Variants in SGCG observed in about 807,000 individuals in gnomAD.
The protein encoded by SGCG is gamma-sarcoglycan.
In SGCG, 26 loss-of-function variants were observed where a neutral mutation model predicts 29.3. The ratio of observed to expected loss-of-function variants is 0.89; its 90% CI spans 0.65 to 1.23. The LOEUF (loss-of-function observed/expected upper bound fraction) is 1.23. Ranked by LOEUF, SGCG falls within the 50% of genes most tolerant of loss-of-function variation. SGCG has a pLI of 0.00. For missense variants in SGCG, 353 were observed against 356.0 expected, an observed-to-expected ratio of 0.99 and a Z score of 0.07; for synonymous variants, 145 against 129.7, an observed-to-expected ratio of 1.12 and a Z score of -0.80.
At chr13:23,218,787 AG>A (rs966991464) in intron 2 of SGCG, among the ~76,000 whole-genome samples, 5 of 151,928 alleles carry the variant, frequency 3.3e-5, no homozygotes, top group African/African-American at 1.2e-4. Flanking sequence ...GATGGTTGAT[AG>A]GGACAACCTT....
chr13:23,280,944 C>T (rs1356807364), intron 5 of SGCG, among the ~76,000 whole-genome samples: 1 of 152,150 alleles, frequency 6.6e-6, no homozygotes, highest in Non-Finnish European at 1.5e-5. Context: ...CGGGCCATGA[C>T]ATCAATTAGA....
intron 3 of SGCG, 123 bp downstream of exon 3, chr13:23,234,835 T>G: frequency 1.4e-6 from 1 of 698,490 alleles, no homozygotes; most frequent in East Asian, 2.5e-5. Context: ...ATTCATGATA[T>G]GCTCTTTATA....
At chr13:23,321,213 GT>G (rs371655347) in intron 7 of SGCG, among the ~76,000 whole-genome samples, 1 of 151,978 alleles carries the variant, frequency 6.6e-6, no homozygotes, top group African/African-American at 2.4e-5. Context: ...AAATAAGAGT[GT>G]TTTTTTCAAA....
intron 2 of SGCG, among the ~76,000 whole-genome samples, chr13:23,214,787 T>C (rs1878362853): frequency 6.6e-6 from 1 of 152,232 alleles, no homozygotes; most frequent in African/African-American, 2.4e-5. Context: ...CTGTAGCATT[T>C]TTAACCAGTA....
At chr13:23,252,124 A>G (rs1269642560) in intron 4 of SGCG, among the ~76,000 whole-genome samples, 1 of 152,182 alleles carries the variant, frequency 6.6e-6, no homozygotes, top group East Asian at 1.9e-4. Flanking sequence ...TTTCCTGCAT[A>G]TACGTTCTTA....
At chr13:23,233,498 C>T (rs950137544) in intron 2 of SGCG, among the ~76,000 whole-genome samples, 25 of 151,944 alleles carry the variant, frequency 1.6e-4, no homozygotes, top group African/African-American at 4.8e-4. Flanking sequence ...GAAAGTAGAA[C>T]GGTGGTTGCC....
chr13:23,294,503 G>A (rs1233607062), intron 5 of SGCG, among the ~76,000 whole-genome samples: 1 of 152,020 alleles, frequency 6.6e-6, no homozygotes, highest in African/African-American at 2.4e-5. Flanking sequence ...TTTATTTTAA[G>A]GTTCAGACCC....
chr13:23,217,580 T>C (rs879536042), intron 2 of SGCG: 1 of 152,086 alleles, frequency 6.6e-6, no homozygotes, highest in Non-Finnish European at 1.5e-5. Flanking sequence ...GATTCTCTTC[T>C]TGTGTCTGGA....
chr13:23,286,261 T>A (rs1161150242), intron 5 of SGCG, among the ~76,000 whole-genome samples: 3 of 152,158 alleles, frequency 2.0e-5, no homozygotes, highest in Non-Finnish European at 4.4e-5. Context: ...TGCAAATTGA[T>A]CGTGAAATTA....
chr13:23,240,864 A>G (rs990705586), intron 3 of SGCG, among the ~76,000 whole-genome samples: 1 of 152,166 alleles, frequency 6.6e-6, no homozygotes, highest in Non-Finnish European at 1.5e-5. Context: ...TTAAAAAAGA[A>G]GAAAATTGGC....
At chr13:23,192,996 C>T (rs529776511) in intron 1 of SGCG, among the ~76,000 whole-genome samples, 1 of 152,260 alleles carries the variant, frequency 6.6e-6, no homozygotes, top group South Asian at 2.1e-4. Flanking sequence ...CAAATAAATG[C>T]ATCATTATGT....
At chr13:23,180,271 A>G (rs1420297550), upstream of SGCG, among the ~76,000 whole-genome samples, 1 of 152,218 alleles carries the variant, frequency 6.6e-6, no homozygotes, top group Non-Finnish European at 1.5e-5. Flanking sequence ...AAATGGAATG[A>G]CCTAATTACT....
At chr13:23,204,918 CATT>C (rs1239767100) in intron 2 of SGCG, among the ~76,000 whole-genome samples, 1 of 151,890 alleles carries the variant, frequency 6.6e-6, no homozygotes, top group Non-Finnish European at 1.5e-5. Flanking sequence ...CCAGTAGATA[CATT>C]ATTTATTTTA....
intron 1 of SGCG, among the ~76,000 whole-genome samples, chr13:23,187,152 T>G (rs556007121): frequency 6.6e-6 from 1 of 152,292 alleles, no homozygotes; most frequent in South Asian, 2.1e-4. Context: ...GCTCTGTATA[T>G]GACCCCATTG....
intron 4 of SGCG, among the ~76,000 whole-genome samples, chr13:23,259,946 G>T (rs1289637792): frequency 6.6e-6 from 1 of 152,166 alleles, no homozygotes; most frequent in Non-Finnish European, 1.5e-5. Context: ...CATTTGCTGA[G>T]GAGAGCTTTA....
intron 2 of SGCG, among the ~76,000 whole-genome samples, chr13:23,210,189 G>A (rs1010218002): frequency 2.0e-5 from 3 of 152,048 alleles, no homozygotes; most frequent in Non-Finnish European, 4.4e-5. Context: ...TGTTTATGAA[G>A]TAAATTATTC....
chr13:23,274,461 G>A (rs1880992178), intron 4 of SGCG, among the ~76,000 whole-genome samples: 1 of 137,302 alleles, frequency 7.3e-6, no homozygotes, highest in African/African-American at 2.8e-5. Context: ...GGAGTGCAGT[G>A]GTGCGATCTT....
chr13:23,309,692 C>T (rs1386271210), intron 6 of SGCG, among the ~76,000 whole-genome samples: 2 of 152,148 alleles, frequency 1.3e-5, no homozygotes, highest in African/African-American at 4.8e-5. Context: ...CCATTTTGGT[C>T]TAAGTACCCA....
At chr13:23,299,528 C>A (rs11618242) in intron 6 of SGCG, among the ~76,000 whole-genome samples, 1 of 137,894 alleles carries the variant, frequency 7.3e-6, no homozygotes, top group Non-Finnish European at 1.6e-5. Context: ...TCTCGGCTCA[C>A]TGCAAGCTCC....
Sources: allele counts gnomAD v4.1 joint callset (sites outside exome capture counted in the v4.1 genomes callset), GRCh38; gene constraint gnomAD v4.1.1; transcripts MANE v1.5; gene names NCBI Gene and HGNC (gene_info 2026-07-23, HGNC 2026-07-21).